The following ZFHX3 variants were observed in gnomAD, a reference collection of about 807,000 sequenced individuals.
The protein encoded by ZFHX3 is zinc finger homeobox protein 3.
A neutral mutation model predicts 279.1 loss-of-function variants in ZFHX3; 42 were observed. The observed-to-expected ratio is 0.15, with a 90% CI of 0.12 to 0.19. ZFHX3 has a LOEUF of 0.19. Among genes scored for constraint, ZFHX3 ranks in the 10% least tolerant of loss-of-function variants. ZFHX3 has a pLI of 1.00. For synonymous variants in ZFHX3, 2,293 were observed against 1,957.8 expected (o/e 1.17, Z -4.52); for missense variants, 4,981 against 4,754.0 (o/e 1.05, Z -1.40).
At chr16:73,015,103 G>A (rs1239354921) in intron 1 of ZFHX3, 1 of 139,710 alleles carries the variant, frequency 7.2e-6, no homozygotes, top group Non-Finnish European at 1.5e-5. Flanking sequence ...CTGGAGTGCA[G>A]TGGTGCAATC....
At chr16:73,286,447 A>G (rs2014598623) in intron 4 of ZFHX3, among the ~76,000 whole-genome samples, 1 of 152,216 alleles carries the variant, frequency 6.6e-6, no homozygotes, top group African/African-American at 2.4e-5. Context: ...CTTAAGTACA[A>G]GACTTGATTT....
At chr16:73,751,857 C>G (rs748872834) in intron 1 of ZFHX3, among the ~76,000 whole-genome samples, 4 of 152,142 alleles carry the variant, frequency 2.6e-5, no homozygotes, top group Non-Finnish European at 5.9e-5. Flanking sequence ...ATAGTCACTA[C>G]CTGATAATTT....
chr16:72,907,421 A>C (rs2039204080), intron 3 of ZFHX3, among the ~76,000 whole-genome samples: 1 of 151,760 alleles, frequency 6.6e-6, no homozygotes, highest in African/African-American at 2.4e-5. Flanking sequence ...AATTATCCTC[A>C]TCATTCTCTG....
chr16:73,644,638 G>A (rs1406107534), intron 2 of ZFHX3, among the ~76,000 whole-genome samples: 4 of 152,022 alleles, frequency 2.6e-5, no homozygotes, highest in African/African-American at 9.6e-5. Flanking sequence ...TCCACCCTGG[G>A]CGACAGAGCG....
intron 1 of ZFHX3, among the ~76,000 whole-genome samples, chr16:73,054,358 C>A (rs1488571197): frequency 2.0e-5 from 3 of 151,682 alleles, no homozygotes; most frequent in African/African-American, 7.3e-5. Flanking sequence ...GCCCGGTTCC[C>A]CTCCCCCACA....
intron 3 of ZFHX3, among the ~76,000 whole-genome samples, chr16:72,910,342 C>T (rs182275220): frequency 3.3e-5 from 5 of 152,282 alleles, no homozygotes; most frequent in East Asian, 1.9e-4. Context: ...ATCATCCCTG[C>T]GTCATGCCAT....
chr16:73,662,432 G>A (rs1476588073), intron 2 of ZFHX3, among the ~76,000 whole-genome samples: 2 of 152,056 alleles, frequency 1.3e-5, no homozygotes, highest in Admixed American at 1.3e-4. Context: ...ACACATGCAC[G>A]TATATACATA....
At chr16:72,913,164 C>T (rs2144196293) in intron 3 of ZFHX3, among the ~76,000 whole-genome samples, 2 of 152,312 alleles carry the variant, frequency 1.3e-5, no homozygotes, top group Middle Eastern at 6.8e-3. Flanking sequence ...CCTCTAATGT[C>T]AACATCTTCC....
chr16:73,831,831 G>C (rs1297373234), intron 1 of ZFHX3, among the ~76,000 whole-genome samples: 2 of 152,234 alleles, frequency 1.3e-5, no homozygotes, highest in African/African-American at 2.4e-5. Context: ...ACAGGGACAG[G>C]CAACTGGACA....
At chr16:72,818,656 C>T (rs2036688512) in intron 5 of ZFHX3, among the ~76,000 whole-genome samples, 1 of 152,288 alleles carries the variant, frequency 6.6e-6, no homozygotes, top group Non-Finnish European at 1.5e-5. Context: ...AGGGGGCGGT[C>T]TTCAGGCCAC....
intron 8 of ZFHX3, among the ~76,000 whole-genome samples, chr16:73,077,602 T>C (rs953344196): frequency 6.6e-6 from 1 of 151,780 alleles, no homozygotes; most frequent in East Asian, 1.9e-4. Flanking sequence ...CGTTTAAGAG[T>C]TCATCCTGCA....
intron 1 of ZFHX3, 56 bp from the exon 2 acceptor site, chr16:72,960,250 G>A: frequency 2.8e-6 from 4 of 1,416,084 alleles, no homozygotes; most frequent in South Asian, 3.0e-5. Flanking sequence ...AGAGAGAAAG[G>A]AAAGAGGTTA....
intron 7 of ZFHX3, chr16:73,094,628 T>A (rs1221731146): frequency 6.6e-6 from 1 of 151,992 alleles, no homozygotes; most frequent in Non-Finnish European, 1.5e-5. Context: ...TCACGGTGGG[T>A]CCACACCAAC....
intron 4 of ZFHX3, among the ~76,000 whole-genome samples, chr16:72,879,635 AG>A (rs1417150911): frequency 6.6e-6 from 1 of 152,104 alleles, no homozygotes; most frequent in Non-Finnish European, 1.5e-5. Flanking sequence ...CATGTTGGCC[AG>A]GCTGGTCTCC....
intron 8 of ZFHX3, among the ~76,000 whole-genome samples, chr16:73,065,219 C>CGGT (rs1965732595): frequency 6.6e-6 from 1 of 152,204 alleles, no homozygotes; most frequent in African/African-American, 2.4e-5. Flanking sequence ...CGCCGGGAGA[C>CGGT]GGTGCCCACG....
At chr16:72,885,362 T>C (rs961451979) in intron 4 of ZFHX3, among the ~76,000 whole-genome samples, 10 of 152,248 alleles carry the variant, frequency 6.6e-5, no homozygotes, top group African/African-American at 2.4e-4. Context: ...TAGCCAGTCA[T>C]GGCAGATATA....
intron 3 of ZFHX3, among the ~76,000 whole-genome samples, chr16:73,350,084 T>G (rs1045020864): frequency 1.3e-5 from 2 of 151,274 alleles, no homozygotes; most frequent in Non-Finnish European, 3.0e-5. Flanking sequence ...CAGAGAAATC[T>G]GCCTTCTTTT....
At chr16:73,178,447 C>T (rs1967715813) in intron 5 of ZFHX3, among the ~76,000 whole-genome samples, 1 of 152,034 alleles carries the variant, frequency 6.6e-6, no homozygotes, top group Non-Finnish European at 1.5e-5. Flanking sequence ...CCATAGATGA[C>T]ATTTCTTTCC....
chr16:73,516,998 C>T (rs2019533717), intron 2 of ZFHX3, among the ~76,000 whole-genome samples: 2 of 152,136 alleles, frequency 1.3e-5, no homozygotes. Context: ...TGATCAACAC[C>T]GTGCACATTT....
Sources: gnomAD v4.1 joint callset for allele counts (sites outside exome capture counted in the v4.1 genomes callset) on GRCh38, gnomAD v4.1.1 for gene constraint, MANE v1.5 for transcripts, NCBI Gene and HGNC (gene_info 2026-07-23, HGNC 2026-07-21) for gene names.